PRKACB: variants seen among roughly 807,000 people sequenced by gnomAD.
The protein encoded by PRKACB is cAMP-dependent protein kinase catalytic subunit beta.
In PRKACB, 16 loss-of-function variants were observed where a neutral mutation model predicts 51.4. That is an observed-to-expected ratio of 0.31 (90% CI 0.21 to 0.47). PRKACB has a LOEUF of 0.47. Ranked by LOEUF, PRKACB falls within the 20% of genes least tolerant of loss-of-function variation. The probability of loss-of-function intolerance (pLI) is 1.00; values close to 1 mark genes in which losing one functional copy is unlikely to be tolerated. For synonymous variants in PRKACB, 147 were observed against 154.4 expected (o/e 0.95, Z 0.35); for missense variants, 309 against 464.5 (o/e 0.67, Z 3.08).
At chr1:84,174,400 C>G (rs542806258) in intron 1 of PRKACB, among the ~76,000 whole-genome samples, 6 of 151,864 alleles carry the variant, frequency 4.0e-5, no homozygotes, top group Non-Finnish European at 7.4e-5. Context: ...CCAGCTCTCA[C>G]AGCACCTTAT....
intron 1 of PRKACB, among the ~76,000 whole-genome samples, chr1:84,097,546 C>A (rs1282765461): frequency 6.6e-6 from 1 of 151,968 alleles, no homozygotes; most frequent in East Asian, 1.9e-4. Context: ...TATAATAAAT[C>A]TCCTCTTACA....
At chr1:84,165,906 A>G (rs1370806894) in intron 1 of PRKACB, among the ~76,000 whole-genome samples, 1 of 151,768 alleles carries the variant, frequency 6.6e-6, no homozygotes, top group African/African-American at 2.4e-5. Flanking sequence ...TGATAACATA[A>G]CAGTCCTATA....
intron 9 of PRKACB, among the ~76,000 whole-genome samples, chr1:84,218,650 C>T (rs943348196): frequency 2.0e-5 from 3 of 152,176 alleles, no homozygotes; most frequent in East Asian, 1.9e-4. Context: ...ATACTGATTT[C>T]CTTTGGATTA....
At chr1:84,085,040 A>G (rs543658403) in intron 1 of PRKACB, among the ~76,000 whole-genome samples, 1 of 152,372 alleles carries the variant, frequency 6.6e-6, no homozygotes, top group South Asian at 2.1e-4. Context: ...AGAATTCTAT[A>G]TACTAAAAGT....
Position 84,144,464 on chromosome 1 carries a change from AAAGG to A in PRKACB, c.104_107del (p.Lys35IlefsTer28), listed in dbSNP as rs1431777509. ...TAGCCGGTTATTTCATAGACACTCT[AAAGG>A]TACTGCACATGATCAGAAAACAGCT... On this transcript the variant is annotated frameshift_variant, in exon 1 of 10. Coordinates refer to ENST00000370685, the MANE Select transcript of PRKACB (RefSeq NM_182948.4). LOFTEE classifies it high-confidence loss of function. The A allele has an allele frequency of 6.2e-7, 1 of 1,612,962 alleles. No individual in the cohort carries two copies. The highest frequency in any genetic ancestry group is 1.3e-5 in the African/African-American group (1 of 74,856).
intron 1 of PRKACB, among the ~76,000 whole-genome samples, chr1:84,102,799 A>G (rs890490482): frequency 6.6e-6 from 1 of 152,170 alleles, no homozygotes; most frequent in Admixed American, 6.5e-5. Context: ...TACAGCTAAG[A>G]GACAAGGAGA....
At chr1:84,176,097 A>T (rs1415615067) in intron 1 of PRKACB, among the ~76,000 whole-genome samples, 3 of 151,780 alleles carry the variant, frequency 2.0e-5, no homozygotes, top group Non-Finnish European at 4.4e-5. Context: ...CTAATATTCT[A>T]ACTCAGATGT....
chr1:84,208,275 C>A (rs1461103595), intron 8 of PRKACB, among the ~76,000 whole-genome samples: 1 of 152,168 alleles, frequency 6.6e-6, no homozygotes, highest in Non-Finnish European at 1.5e-5. Flanking sequence ...ATTTCTAAAA[C>A]TCAAATGTAC....
At chr1:84,103,106 G>A (rs1363899696) in intron 1 of PRKACB, among the ~76,000 whole-genome samples, 4 of 152,170 alleles carry the variant, frequency 2.6e-5, no homozygotes, top group African/African-American at 9.7e-5. Flanking sequence ...TTAGGATAAG[G>A]CTTCTTGGGG....
intron 1 of PRKACB, among the ~76,000 whole-genome samples, chr1:84,116,389 T>G (rs956025092): frequency 9.2e-5 from 14 of 152,178 alleles, no homozygotes; most frequent in Non-Finnish European, 4.4e-5. Context: ...AGAATGATGT[T>G]AGTATTTTGA....
intron 1 of PRKACB, among the ~76,000 whole-genome samples, chr1:84,127,187 A>G (rs1175182977): frequency 6.6e-6 from 1 of 152,234 alleles, no homozygotes. Context: ...ACATTTGTAC[A>G]TGAGATGAAG....
rs563953735 is a variant in PRKACB, at chr1:84,136,197, C to A, written c.47-42980C>A. 1.0e-4 allele frequency among the ~76,000 whole-genome samples: 15 copies of A among 147,828 alleles called. 1 individual carries two copies. The East Asian group carries it at 3.2e-3, about 31-fold the overall frequency. On this transcript the variant is annotated intron_variant, in intron 1 of 8. Coordinates refer to the PRKACB transcript ENST00000370688. ...AAAACTTACACAAGTGTAAATAAAT[C>A]TGAATGCTTCTATAGCTTTTAAAAA...
At chr1:84,150,111 A>G (rs896653053) in intron 1 of PRKACB, among the ~76,000 whole-genome samples, 10 of 151,954 alleles carry the variant, frequency 6.6e-5, no homozygotes, top group African/African-American at 2.4e-4. Flanking sequence ...CTAAAAATGC[A>G]AAAATTAGCC....
At chr1:84,179,348 G>C in intron 2 of PRKACB, 110 bp downstream of exon 2, 2 of 1,252,224 alleles carry the variant, frequency 1.6e-6, no homozygotes, top group Non-Finnish European at 2.1e-6. Flanking sequence ...TGTGGTGTTA[G>C]TAAACAGAAG....
At chr1:84,139,270 A>G (rs190933341) in intron 1 of PRKACB, among the ~76,000 whole-genome samples, 13 of 152,290 alleles carry the variant, frequency 8.5e-5, no homozygotes, top group Non-Finnish European at 1.6e-4. Flanking sequence ...GACTGCCTAC[A>G]TAGAAAATTG....
At chr1:84,148,703 G>A (rs568545170) in intron 1 of PRKACB, among the ~76,000 whole-genome samples, 1 of 152,226 alleles carries the variant, frequency 6.6e-6, no homozygotes, top group South Asian at 2.1e-4. Context: ...AGTGTTACCT[G>A]TGTATTTTTA....
rs1647421094 is a variant in PRKACB at position 84,080,283 on chromosome 1, A to G, written c.46+1912A>G. Among the ~76,000 whole-genome samples the G allele has an allele frequency of 2.0e-5, 3 of 152,238 alleles. No homozygotes were observed. The South Asian group carries it at 6.2e-4, about 32-fold the overall frequency. Reference sequence around the variant, plus strand: ...CTCCCTTAGTATTAATTTGCAACTCATAGCTGTGAAATAACCTTGGAATAT... The same window carrying G: ...CTCCCTTAGTATTAATTTGCAACTCGTAGCTGTGAAATAACCTTGGAATAT... On this transcript the variant is annotated intron_variant, in intron 1 of 8. Coordinates refer to the PRKACB transcript ENST00000370688.
chr1:84,148,162 T>C (rs1654370198), intron 1 of PRKACB, among the ~76,000 whole-genome samples: 1 of 152,174 alleles, frequency 6.6e-6, no homozygotes. Context: ...TTCAAGTTGC[T>C]GCTTCTGTCT....
intron 1 of PRKACB, among the ~76,000 whole-genome samples, chr1:84,133,853 T>C (rs974678604): frequency 7.0e-5 from 10 of 142,128 alleles, no homozygotes; most frequent in African/African-American, 2.5e-4. Flanking sequence ...CATGGATGGC[T>C]TAAGTGTTTA....
Sources: allele counts gnomAD v4.1 joint callset (sites outside exome capture counted in the v4.1 genomes callset), GRCh38; gene constraint gnomAD v4.1.1; transcripts MANE v1.5; gene names NCBI Gene and HGNC (gene_info 2026-07-23, HGNC 2026-07-21).